Variants in IPO5 observed in about 807,000 individuals in gnomAD.
The protein encoded by IPO5 is importin-5.
IPO5 carries 18 observed loss-of-function variants against 143.3 expected under a neutral mutation model. The observed-to-expected ratio is 0.13, with a 90% CI of 0.09 to 0.19. The LOEUF is 0.19. Ranked by LOEUF, IPO5 falls within the 10% of genes least tolerant of loss-of-function variation. IPO5 has a pLI of 1.00. For missense variants in IPO5, 1,013 were observed against 1,336.9 expected, an observed-to-expected ratio of 0.76 and a Z score of 3.78; for synonymous variants, 477 against 465.7, an observed-to-expected ratio of 1.02 and a Z score of -0.31.
chr13:97,980,599 G>A (rs1886757125), intron 4 of IPO5, among the ~76,000 whole-genome samples: 1 of 152,128 alleles, frequency 6.6e-6, no homozygotes, highest in Non-Finnish European at 1.5e-5. Context: ...GGAGGCCGAG[G>A]CAGGTGGATC....
At chr13:97,981,114 G>A (rs917237836) in intron 4 of IPO5, 9 of 339,820 alleles carry the variant, frequency 2.6e-5, no homozygotes, top group Admixed American at 4.2e-5. Flanking sequence ...TTCTCTCCTC[G>A]GCTGTGAATA....
chr13:98,005,734 C>T (rs903072927), intron 16 of IPO5, among the ~76,000 whole-genome samples: 7 of 151,994 alleles, frequency 4.6e-5, no homozygotes, highest in Non-Finnish European at 1.0e-4. Context: ...AGGGAATTTT[C>T]TTTATGACGT....
Position 98,003,051 on chromosome 13 carries a change from T to A in IPO5, c.1497+14T>A. On this transcript the variant is annotated intron_variant, in intron 16 of 28. Coordinates refer to ENST00000651721, the MANE Select transcript of IPO5 (RefSeq NM_002271.6). ...AAGCTTCAAGAGGTAAGTTTTAAGA[T>A]CTGTAGGCTGCTTTCTGTTTGTAGA... is the stretch of plus-strand genomic sequence containing the variant. 6.3e-7 allele frequency: 1 copy of A among 1,585,512 alleles called. No homozygotes were observed. Among genetic ancestry groups the A allele is most frequent in the Non-Finnish European group, 8.6e-7 (1 of 1,165,854 alleles).
At chr13:97,982,879 A>G (rs536229722) in intron 5 of IPO5, among the ~76,000 whole-genome samples, 2 of 152,246 alleles carry the variant, frequency 1.3e-5, no homozygotes, top group African/African-American at 4.8e-5. Context: ...ATTTGATTTG[A>G]TTGATTGATT....
At chr13:97,985,359 C>G (rs886999812) in intron 5 of IPO5, 62 bp from the exon 6 acceptor site, 3 of 1,321,504 alleles carry the variant, frequency 2.3e-6, no homozygotes, top group Non-Finnish European at 1.1e-6. Context: ...TATAAAAATA[C>G]AACAGTGAAA....
intron 14 of IPO5, 38 bp from the exon 15 acceptor site, chr13:98,002,646 C>T (rs1469619377): frequency 6.2e-7 from 1 of 1,606,628 alleles, no homozygotes; most frequent in Non-Finnish European, 8.5e-7. Flanking sequence ...CATGTGGAAA[C>T]CTTCTTGCTT....
chr13:97,976,739 C>A lies in IPO5; in HGVS notation c.43C>A (p.Leu15Met). ...GGAGCAGCAACAGTTCTACCTGCTC[C>A]TGGGAAACCTGCTCAGCCCCGACAA... is the stretch of plus-strand genomic sequence containing the variant. ...AAEQQQFYLL[L>M]GNLLSPDNVV... Residue 15 changes from leucine (L) to methionine (M), a missense_variant, in exon 4 of 29, where the codon CTG (leucine) becomes ATG (methionine). Leu to Met is a conservative substitution (Grantham distance 15). This residue lies in a region of IPO5 where 328 missense variants were observed against 342.0 expected (regional missense o/e 0.96). Coordinates refer to ENST00000651721, the MANE Select transcript of IPO5 (RefSeq NM_002271.6). The A allele has an allele frequency of 1.4e-6, 2 of 1,415,868 alleles. No individual in the cohort carries two copies. The highest frequency in any genetic ancestry group is 1.5e-5 in the African/African-American group (1 of 65,964). 87.7% of individuals were successfully genotyped at this position (1,415,868 alleles called of 1,614,324 possible).
chr13:98,004,623 C>T (rs911302676), intron 16 of IPO5, among the ~76,000 whole-genome samples: 2 of 151,966 alleles, frequency 1.3e-5, no homozygotes, highest in Non-Finnish European at 2.9e-5. Flanking sequence ...ACAGTGTTCA[C>T]GAGGAAGAGT....
chr13:97,992,738 C>T (rs767770274), intron 9 of IPO5, among the ~76,000 whole-genome samples, 154 bp from the exon 10 acceptor site: 3 of 152,174 alleles, frequency 2.0e-5, no homozygotes, highest in African/African-American at 4.8e-5. Context: ...CATGTGCCTG[C>T]AGGTAGAACA....
intron 2 of IPO5, among the ~76,000 whole-genome samples, chr13:97,962,531 A>G (rs908357993): frequency 6.6e-6 from 1 of 151,894 alleles, no homozygotes; most frequent in Non-Finnish European, 1.5e-5. Context: ...AATAAGAAAT[A>G]GATGGATGGG....
Position 97,989,066 on chromosome 13 carries a change from G to C in IPO5, c.369G>C (p.Glu123Asp). ...AAELARNLID[E>D]DGNNQWPEGL... is the part of the protein sequence containing the mutation. ...TCTGGATTTCTTTACTTTCAGATGA[G>C]GATGGCAATAACCAGTGGCCCGAAG... Residue 123 changes from glutamate (E) to aspartate (D), a missense_variant, in exon 7 of 29, where the codon GAG (glutamate) becomes GAC (aspartate). Around this residue, in one of 2 missense-constraint regions of IPO5, gnomAD observed 328 missense variants for 342.0 expected, o/e 0.96. Transcript: ENST00000651721. 6.3e-7 allele frequency: 1 copy of C among 1,599,558 alleles called. No homozygotes were observed. The highest frequency in any genetic ancestry group is 8.6e-7 in the Non-Finnish European group (1 of 1,167,254).
chr13:97,959,773 T>A (rs9556852), intron 2 of IPO5, among the ~76,000 whole-genome samples: 14,042 of 151,998 alleles, frequency 0.092, 1,315 homozygotes, highest in East Asian at 0.5. Context: ...ATGACCCCAC[T>A]CCAAATCCAG....
chr13:97,975,787 G>C, intron 3 of IPO5: 1 of 213,720 alleles, frequency 4.7e-6, no homozygotes, highest in Non-Finnish European at 8.0e-6. Flanking sequence ...CAGATCCTGG[G>C]GTGGGGGCAT....
In IPO5 at chr13:97,976,989, C is replaced by T. The variant is rs1368525411; in HGVS notation, c.90+203C>T. 3 of 197,432 alleles carry T rather than the reference C, an allele frequency of 1.5e-5. No individual in the cohort carries two copies. The East Asian group carries it at 5.3e-4, about 35-fold the overall frequency. The allele number at this position is 197,432 out of a possible 1,614,324, so 12.2% of individuals were successfully genotyped here. On this transcript the variant is annotated intron_variant, in intron 4 of 28. Transcript: ENST00000651721. ...TTTCCGGCCATTGCTGCCGCGGCGC[C>T]TGGCACCAGTTACCTCCCCGCCGCC...
At chr13:97,958,282 G>A (rs184070540) in intron 2 of IPO5, among the ~76,000 whole-genome samples, 20 of 152,004 alleles carry the variant, frequency 1.3e-4, no homozygotes, top group Admixed American at 6.6e-4. Flanking sequence ...CCTCAGCCAC[G>A]TGGCTGTTTC....
chr13:97,957,554 G>GT (rs1197023345), intron 2 of IPO5, among the ~76,000 whole-genome samples: 11 of 152,004 alleles, frequency 7.2e-5, no homozygotes, highest in African/African-American at 2.7e-4. Flanking sequence ...TAAGTGAGAG[G>GT]TAGAGAATTA....
intron 4 of IPO5, chr13:97,981,376 T>G: frequency 2.5e-6 from 1 of 405,706 alleles, no homozygotes. Flanking sequence ...GAGTTCTGTC[T>G]GCTATTCATT....
chr13:98,016,727 A>T lies in IPO5; in HGVS notation c.2494-2A>T. On this transcript the variant is annotated splice_acceptor_variant, in intron 24 of 28. Coordinates refer to ENST00000651721, the MANE Select transcript of IPO5 (RefSeq NM_002271.6). LOFTEE classifies it high-confidence loss of function. ...GAGTGTTTATGTGTATGTTTTTTTT[A>T]GGATGATAATGATGTTTATATTCTG... 7.2e-7 allele frequency: 1 copy of T among 1,387,296 alleles called. No individual in the cohort carries two copies. The highest frequency in any genetic ancestry group is 9.8e-7 in the Non-Finnish European group (1 of 1,020,592). The allele number at this position is 1,387,296 out of a possible 1,614,324, so 85.9% of individuals were successfully genotyped here.
At chr13:97,962,237 T>C (rs986443895) in intron 2 of IPO5, among the ~76,000 whole-genome samples, 2 of 152,248 alleles carry the variant, frequency 1.3e-5, no homozygotes, top group Non-Finnish European at 2.9e-5. Context: ...TGAAGTTCAA[T>C]GTATCCATTT....
Sources: allele counts gnomAD v4.1 joint callset (sites outside exome capture counted in the v4.1 genomes callset), GRCh38; gene constraint gnomAD v4.1.1; regional missense constraint gnomAD v4.1.1; transcripts MANE v1.5; gene names NCBI Gene and HGNC (gene_info 2026-07-23, HGNC 2026-07-21).